HEATR3: variants seen among roughly 807,000 people sequenced by gnomAD.
The protein encoded by HEATR3 is HEAT repeat-containing protein 3.
In HEATR3, 56 loss-of-function variants were observed where a neutral mutation model predicts 72.8. The observed-to-expected ratio is 0.77, with a 90% confidence interval of 0.62 to 0.96. HEATR3 has a LOEUF of 0.96. Among genes scored for constraint, HEATR3 ranks in the 40% least tolerant of loss-of-function variants. HEATR3 has a pLI of 0.00. For synonymous variants in HEATR3, 331 were observed against 318.1 expected (o/e 1.04, Z -0.43); for missense variants, 747 against 831.4 (o/e 0.90, Z 1.25).
chr16:50,090,150 T>C (rs1440867605), intron 11 of HEATR3, among the ~76,000 whole-genome samples: 1 of 151,806 alleles, frequency 6.6e-6, no homozygotes, highest in Non-Finnish European at 1.5e-5. Flanking sequence ...AGCCCAAGAG[T>C]TTAAGACCAG....
chr16:50,071,282 T>G (rs1206168375), intron 4 of HEATR3, among the ~76,000 whole-genome samples: 2 of 152,244 alleles, frequency 1.3e-5, no homozygotes, highest in African/African-American at 4.8e-5. Flanking sequence ...CAGATGTTTC[T>G]TAGAATACAA....
chr16:50,079,838 A>G (rs552570968), intron 7 of HEATR3, among the ~76,000 whole-genome samples: 1 of 152,326 alleles, frequency 6.6e-6, no homozygotes, highest in East Asian at 1.9e-4. Flanking sequence ...AGACAGACAC[A>G]TAAAACCATG....
At chr16:50,072,047 T>A (rs2036624202) in intron 4 of HEATR3, among the ~76,000 whole-genome samples, 3 of 152,226 alleles carry the variant, frequency 2.0e-5, no homozygotes, top group African/African-American at 7.2e-5. Flanking sequence ...TTATTTTCCT[T>A]TAAATGTGTG....
intron 4 of HEATR3, among the ~76,000 whole-genome samples, chr16:50,071,804 A>C (rs145055354): frequency 1.3e-5 from 2 of 152,344 alleles, no homozygotes; most frequent in African/African-American, 4.8e-5. Flanking sequence ...ATATGTATGG[A>C]GGAAACATGT....
At chr16:50,104,817 T>C (rs2037445758) in intron 14 of HEATR3, 122 bp from the exon 15 acceptor site, 1 of 823,250 alleles carries the variant, frequency 1.2e-6, no homozygotes. Context: ...AAACATTTTT[T>C]CCAAATTCTT....
intron 10 of HEATR3, 58 bp downstream of exon 10, chr16:50,084,709 G>T: frequency 7.5e-7 from 1 of 1,334,458 alleles, no homozygotes; most frequent in Non-Finnish European, 1.1e-6. Context: ...TGAAATGATG[G>T]GCTATTAAAT....
chr16:50,081,035 A>G (rs1163462392), intron 7 of HEATR3, among the ~76,000 whole-genome samples: 1 of 152,272 alleles, frequency 6.6e-6, no homozygotes, highest in Non-Finnish European at 1.5e-5. Context: ...TAGAAGTGCC[A>G]CTGTTGAAAA....
chr16:50,070,039 C>T (rs144197602), intron 3 of HEATR3, 139 bp from the exon 4 acceptor site: 12 of 477,028 alleles, frequency 2.5e-5, no homozygotes, highest in African/African-American at 4.0e-5. Flanking sequence ...TGATTTTGTA[C>T]TACTGTTTGT....
intron 12 of HEATR3, among the ~76,000 whole-genome samples, chr16:50,095,296 C>T (rs770112279): frequency 2.0e-5 from 3 of 151,754 alleles, no homozygotes; most frequent in African/African-American, 2.4e-5. Context: ...TTAGTAGAGA[C>T]GGGGTTTTGC....
chr16:50,096,349 A>G (rs2037237053), intron 12 of HEATR3, among the ~76,000 whole-genome samples: 1 of 52,894 alleles, frequency 1.9e-5, no homozygotes, highest in Non-Finnish European at 4.5e-5. Flanking sequence ...AAAAAAACAG[A>G]AAAAGAAAAA....
At position 50,100,119 on chromosome 16, in the gene HEATR3, C is replaced by G. The variant is rs28673016; in HGVS notation, c.1600-111C>G. ...ACTTACCTGCCAGGAGTTTATGTCACTCTTAAAATCCTGTAGCCTATAGAG... is the reference window on the plus strand; with the variant it reads ...ACTTACCTGCCAGGAGTTTATGTCAGTCTTAAAATCCTGTAGCCTATAGAG... On this transcript the variant is annotated intron_variant, in intron 12 of 14. Transcript: ENST00000299192. The G allele has an allele frequency of 6.8e-3, 6,818 of 997,960 alleles. 348 individuals are homozygous for G. In the African/African-American group the frequency reaches 0.1, roughly 15 times the overall value. 61.8% of individuals were successfully genotyped at this position (997,960 alleles called of 1,614,324 possible). A position where few individuals can be genotyped will look rare whatever the true frequency, so the allele number is the denominator to read the frequency against.
In HEATR3 at chr16:50,078,838, T is replaced by G. The variant is rs754434476; in HGVS notation, c.861T>G (p.Asp287Glu). 5 of 1,614,060 alleles carry G rather than the reference T, an allele frequency of 3.1e-6. No homozygotes were observed. Among genetic ancestry groups the G allele is most frequent in the Non-Finnish European group, 4.2e-6 (5 of 1,180,006 alleles). The change falls in exon 7 of 15, where the codon GAT (aspartate) becomes GAG (glutamate). Residue 287 changes from aspartate to glutamate, a missense_variant. Coordinates refer to ENST00000299192, the MANE Select transcript of HEATR3 (RefSeq NM_182922.4). The stretch of plus-strand genomic sequence containing the variant: ...TCTTATCTGAAGTTTTGGGAATGGA[T>G]GCTGGTGAAATGGTTATTCAAATGA... ...LKILSEVLGM[D>E]AGEMVIQMKE...
In HEATR3 at chr16:50,078,973, T is replaced by G; in HGVS notation, c.996T>G (p.His332Gln). The stretch of plus-strand genomic sequence containing the variant: ...ATGATGAAATGGAAGGAATTTCTCA[T>G]AAAAGAAGAGTCAGAAGGAAAACTT... The part of the protein sequence containing the change: ...IEDDEMEGIS[H>Q]KRRVRRKTFV... The change falls in exon 7 of 15, where the codon CAT becomes CAG. Residue 332 changes from histidine (H) to glutamine (Q), a missense_variant. By Grantham distance (24) the His-to-Gln change is conservative. Coordinates refer to ENST00000299192, the MANE Select transcript of HEATR3 (RefSeq NM_182922.4). 1 of 1,613,774 alleles carries G rather than the reference T, an allele frequency of 6.2e-7. No individual in the cohort carries two copies. Among genetic ancestry groups the G allele is most frequent in the Non-Finnish European group, 8.5e-7 (1 of 1,179,936 alleles).
Position 50,070,193 on chromosome 16 carries a change from G to A in HEATR3, c.415G>A (p.Asp139Asn), listed in dbSNP as rs763702882. The change falls in exon 4 of 15, where the codon GAT (aspartate) becomes AAT (asparagine). Residue 139 changes from aspartate (D) to asparagine (N), a missense_variant. Physicochemically the swap from Asp to Asn is conservative, Grantham distance 23. Transcript: ENST00000299192. Reference sequence around the variant, plus strand: ...TTGGTTACAGTGTAGTGCTGGACTGGATTCAAATGAGATGTCTCTGCAGGA... The same window carrying A: ...TTGGTTACAGTGTAGTGCTGGACTGAATTCAAATGAGATGTCTCTGCAGGA... ...ALLKECSAGL[D>N]SNEMSLQEKK... The A allele has an allele frequency of 2.5e-6, 4 of 1,593,836 alleles. No homozygotes were observed. Among genetic ancestry groups the A allele is most frequent in the Non-Finnish European group, 3.4e-6 (4 of 1,164,994 alleles).
At chr16:50,100,120 T>C (rs2037333702) in intron 12 of HEATR3, 110 bp from the exon 13 acceptor site, 3 of 1,014,324 alleles carry the variant, frequency 3.0e-6, no homozygotes, top group South Asian at 3.5e-5. Context: ...TTTATGTCAC[T>C]CTTAAAATCC....
chr16:50,101,106 C>CTT (rs5816674), intron 13 of HEATR3, among the ~76,000 whole-genome samples: 315 of 144,070 alleles, frequency 2.2e-3, no homozygotes, highest in African/African-American at 3.1e-3. Context: ...ACTTGCAAAG[C>CTT]TTTTTTTTTT....
chr16:50,084,492 T>C, intron 9 of HEATR3, 77 bp from the exon 10 acceptor site: 1 of 1,174,314 alleles, frequency 8.5e-7, no homozygotes, highest in Non-Finnish European at 1.3e-6. Flanking sequence ...TTAGGAGTAA[T>C]ATGTTGGAAT....
In HEATR3 at chr16:50,106,145, A is replaced by G. The variant is rs1436149106; in HGVS notation, c.*1084A>G. The G allele has an allele frequency of 1.3e-5, 2 of 152,214 alleles. No homozygotes were observed. The highest frequency in any genetic ancestry group is 2.4e-5 in the African/African-American group (1 of 41,454). The allele number at this position is 152,214 out of a possible 1,614,324, so 9.4% of individuals were successfully genotyped here. On this transcript the variant is annotated 3_prime_UTR_variant, in exon 15 of 15. Coordinates refer to ENST00000299192, the MANE Select transcript of HEATR3 (RefSeq NM_182922.4). ...GAACCTTAAACTGAAATATGAAGAC[A>G]AGCTTTATAAACTAGTTTTTTGATA... is the stretch of plus-strand genomic sequence containing the variant.
chr16:50,070,387 C>T, intron 4 of HEATR3, 97 bp downstream of exon 4: 1 of 507,168 alleles, frequency 2.0e-6, no homozygotes. Flanking sequence ...CTTGGTAGGC[C>T]TGTTAATCTG....
Sources: gnomAD v4.1 joint callset for allele counts (sites outside exome capture counted in the v4.1 genomes callset) on GRCh38, gnomAD v4.1.1 for gene constraint, MANE v1.5 for transcripts, NCBI Gene and HGNC (gene_info 2026-07-23, HGNC 2026-07-21) for gene names.